PCDHA1: variants seen among roughly 807,000 people sequenced by gnomAD.
PCDHA1 encodes the protein protocadherin alpha-1.
Under a neutral mutation model 61.3 loss-of-function variants are expected in PCDHA1, and 42 were observed. The observed-to-expected ratio is 0.69, with a 90% CI of 0.54 to 0.89. The LOEUF (loss-of-function observed/expected upper bound fraction) is 0.89, where lower values mean the gene tolerates loss of function less well. PCDHA1 is among the 40% of genes least tolerant of loss of function. The pLI, the probability that PCDHA1 is intolerant of heterozygous loss-of-function variation, is 0.00. For synonymous variants in PCDHA1, 610 were observed against 553.8 expected, an observed-to-expected ratio of 1.10 and a Z score of -1.43; for missense variants, 1,256 against 1,235.3, an observed-to-expected ratio of 1.02 and a Z score of -0.25.
At chr5:140,813,645 A>C (rs183408897) in intron 1 of PCDHA1, 1 of 152,312 alleles carries the variant, frequency 6.6e-6, no homozygotes, top group Non-Finnish European at 1.5e-5. Context: ...ATTACTGTGC[A>C]CTAATGTAGA....
At chr5:140,909,870 C>T (rs2074741279) in intron 1 of PCDHA1, among the ~76,000 whole-genome samples, 1 of 152,206 alleles carries the variant, frequency 6.6e-6, no homozygotes. Context: ...GAGTCAACGT[C>T]AGCTTAGAGA....
chr5:140,988,332 A>G (rs2097293198), intron 3 of PCDHA1, among the ~76,000 whole-genome samples: 1 of 152,230 alleles, frequency 6.6e-6, no homozygotes, highest in Non-Finnish European at 1.5e-5. Context: ...ACCCGAGGAA[A>G]GTAAGTCCTT....
At chr5:140,870,702 G>A in intron 1 of PCDHA1, 2 of 1,613,072 alleles carry the variant, frequency 1.2e-6, no homozygotes, top group African/African-American at 1.3e-5. Context: ...TACAGTTCCA[G>A]GTGAGCGCGC....
At chr5:140,869,228 G>T (rs782726206) in intron 1 of PCDHA1, 1 of 1,613,764 alleles carries the variant, frequency 6.2e-7, no homozygotes, top group South Asian at 1.1e-5. Flanking sequence ...GCCAAACACG[G>T]CACCTTCGTG....
intron 1 of PCDHA1, chr5:140,856,893 C>T (rs267600397): frequency 6.3e-7 from 1 of 1,596,420 alleles, no homozygotes; most frequent in Non-Finnish European, 8.6e-7. Flanking sequence ...TCATTTAGCT[C>T]TTTGGTCCCA....
At chr5:140,834,257 C>T (rs1276678217) in intron 1 of PCDHA1, 5 of 948,154 alleles carry the variant, frequency 5.3e-6, no homozygotes, top group African/African-American at 1.6e-5. Context: ...GAAAGACGCT[C>T]CACTCTCTTT....
chr5:140,809,234 T>C lies in PCDHA1; in HGVS notation c.2394+20550T>C, dbSNP rs782288088. 6.2e-6 allele frequency: 10 copies of C among 1,613,892 alleles called. No individual in the cohort carries two copies. The Admixed American group carries it at 6.7e-5, about 11-fold the overall frequency. The stretch of plus-strand genomic sequence containing the variant: ...GGCGCCAAAGGCCTCCTCACGGGCG[T>C]TGGTGGGCGCTGTGGGTCCCGATGC... On this transcript the variant is annotated intron_variant, in intron 1 of 3. Coordinates refer to ENST00000504120, the MANE Select transcript of PCDHA1 (RefSeq NM_018900.4).
At chr5:140,835,560 G>T (rs2150238266) in intron 1 of PCDHA1, 1 of 1,613,902 alleles carries the variant, frequency 6.2e-7, no homozygotes, top group South Asian at 1.1e-5. Flanking sequence ...GACGCCCCGC[G>T]TTCCCTTCAA....
At chr5:140,808,266 G>T (rs1764134121) in intron 1 of PCDHA1, 1 of 1,614,128 alleles carries the variant, frequency 6.2e-7, no homozygotes, top group Non-Finnish European at 8.5e-7. Flanking sequence ...CTTCCAATTA[G>T]AGAGGACGCT....
intron 1 of PCDHA1, chr5:140,848,930 C>G: frequency 1.2e-6 from 2 of 1,607,642 alleles, no homozygotes; most frequent in Non-Finnish European, 1.7e-6. Flanking sequence ...TCGCGGAATC[C>G]AGGCCGCTTG....
At chr5:140,990,821 G>T (rs890499969) in intron 3 of PCDHA1, among the ~76,000 whole-genome samples, 1 of 152,172 alleles carries the variant, frequency 6.6e-6, no homozygotes, top group East Asian at 1.9e-4. Flanking sequence ...CCTTCTCTCA[G>T]CTAAAGCCTA....
chr5:140,879,836 G>A, intron 1 of PCDHA1, among the ~76,000 whole-genome samples: 1 of 152,186 alleles, frequency 6.6e-6, no homozygotes, highest in Non-Finnish European at 1.5e-5. Flanking sequence ...GCTTGTGGCT[G>A]TACCACTCCC....
In PCDHA1 at chr5:140,787,811, C is replaced by T. The variant is rs781782861; in HGVS notation, c.1521C>T (p.Tyr507=). 1 of 1,612,566 alleles carries T rather than the reference C, an allele frequency of 6.2e-7. No individual in the cohort carries two copies. The highest frequency in any genetic ancestry group is 1.1e-5 in the South Asian group (1 of 91,014). The change falls in exon 1 of 4, where the codon TAC becomes TAT. Residue 507 remains tyrosine, a synonymous_variant. Transcript: ENST00000504120. ...RRVGERALSN[Y]VSVHAESGKV... ...TGGGCGAGCGCGCGCTGTCGAACTA[C>T]GTGTCAGTGCACGCGGAGAGCGGCA... is the stretch of plus-strand genomic sequence containing the variant.
intron 1 of PCDHA1, chr5:140,808,837 G>A (rs1764276126): frequency 6.8e-6 from 11 of 1,613,056 alleles, no homozygotes; most frequent in African/African-American, 2.7e-5. Context: ...GCAACGTGAC[G>A]CTGCAGGTGT....
chr5:140,829,237 C>T (rs2150164449), intron 1 of PCDHA1: 70 of 1,614,146 alleles, frequency 4.3e-5, no homozygotes, highest in Non-Finnish European at 4.8e-5. Context: ...CAGGTGCCAA[C>T]GGGCAGGTGA....
intron 1 of PCDHA1, chr5:140,864,601 A>C (rs2048532983): frequency 6.6e-6 from 1 of 152,200 alleles, no homozygotes; most frequent in Non-Finnish European, 1.5e-5. Context: ...TCAGATAGCC[A>C]ACAACTTTGT....
At chr5:140,967,768 T>C in intron 1 of PCDHA1, 4 of 1,614,182 alleles carry the variant, frequency 2.5e-6, no homozygotes, top group African/African-American at 1.3e-5. Flanking sequence ...ACCAGATCTA[T>C]GTGCAGGCGA....
At chr5:140,836,909 C>G in intron 1 of PCDHA1, 1 of 579,744 alleles carries the variant, frequency 1.7e-6, no homozygotes, top group South Asian at 2.9e-5. Context: ...TTAATATACA[C>G]TTTTGTTTTG....
Position 140,809,396 on chromosome 5 carries a change from C to T in PCDHA1, c.2394+20712C>T. ...CGAGGGCGCGTGCGCTCCGGGCAAGCCCACGCTGGTGTGCTCCAGTGCGGT... is the reference window on the plus strand; with the variant it reads ...CGAGGGCGCGTGCGCTCCGGGCAAGTCCACGCTGGTGTGCTCCAGTGCGGT... On this transcript the variant is annotated intron_variant, in intron 1 of 3. Coordinates refer to ENST00000504120, the MANE Select transcript of PCDHA1 (RefSeq NM_018900.4). 1 of 1,614,122 alleles carries T rather than the reference C, an allele frequency of 6.2e-7. No homozygotes were observed. Among genetic ancestry groups the T allele is most frequent in the Non-Finnish European group, 8.5e-7 (1 of 1,179,976 alleles).
Sources: gnomAD v4.1 joint callset for allele counts (sites outside exome capture counted in the v4.1 genomes callset) on GRCh38, gnomAD v4.1.1 for gene constraint, MANE v1.5 for transcripts, NCBI Gene and HGNC (gene_info 2026-07-23, HGNC 2026-07-21) for gene names.